The following VWA8 variants were observed in gnomAD, a reference collection of about 807,000 sequenced individuals.
VWA8 encodes von Willebrand factor A domain containing 8.
Under a neutral mutation model 241.5 loss-of-function variants are expected in VWA8, and 221 were observed. The observed-to-expected ratio is 0.91, with a 90% confidence interval of 0.82 to 1.02. The LOEUF is 1.02. VWA8 is among the 50% of genes least tolerant of loss of function. The probability of loss-of-function intolerance (pLI) is 0.00; values close to 1 mark genes in which losing one functional copy is unlikely to be tolerated. For missense variants in VWA8, 2,322 were observed against 2,328.7 expected (o/e 1.00, Z 0.06); for synonymous variants, 852 against 827.1 (o/e 1.03, Z -0.52).
chr13:41,625,778 A>C (rs9566811), intron 37 of VWA8, among the ~76,000 whole-genome samples: 103,389 of 151,066 alleles, frequency 0.68, 35,900 homozygotes, highest in South Asian at 0.84. Flanking sequence ...AAGACACATG[A>C]ACACGTATGT....
chr13:41,708,015 A>T (rs890109565), intron 26 of VWA8, among the ~76,000 whole-genome samples: 9 of 152,174 alleles, frequency 5.9e-5, no homozygotes, highest in Non-Finnish European at 1.2e-4. Context: ...GAGAGAGAAA[A>T]AATTTTAGAG....
At chr13:41,786,154 T>C (rs1869179615) in intron 18 of VWA8, among the ~76,000 whole-genome samples, 2 of 152,158 alleles carry the variant, frequency 1.3e-5, no homozygotes, top group African/African-American at 2.4e-5. Flanking sequence ...GATTTTGTCA[T>C]CACAACTAAG....
chr13:41,682,743 C>T (rs565023595), intron 35 of VWA8, among the ~76,000 whole-genome samples: 2 of 152,160 alleles, frequency 1.3e-5, no homozygotes, highest in East Asian at 3.9e-4. Flanking sequence ...AAGACCTTGT[C>T]TCAAAACAAA....
chr13:41,594,992 A>G, intron 40 of VWA8, among the ~76,000 whole-genome samples: 1 of 152,180 alleles, frequency 6.6e-6, no homozygotes, highest in East Asian at 1.9e-4. Context: ...AAAGAGGGAG[A>G]AACCGCTACA....
intron 37 of VWA8, among the ~76,000 whole-genome samples, chr13:41,663,974 T>C (rs539067314): frequency 6.6e-6 from 1 of 151,850 alleles, no homozygotes; most frequent in South Asian, 2.1e-4. Flanking sequence ...ACATGAGGTA[T>C]TCAGCACTTT....
chr13:41,722,913 G>A (rs948976650), intron 24 of VWA8, among the ~76,000 whole-genome samples: 6 of 152,074 alleles, frequency 3.9e-5, no homozygotes, highest in African/African-American at 1.4e-4. Context: ...ACAGACATAG[G>A]AGGATGTGGG....
intron 21 of VWA8, among the ~76,000 whole-genome samples, chr13:41,751,500 G>A (rs1566441801): frequency 6.6e-6 from 1 of 152,072 alleles, no homozygotes; most frequent in Non-Finnish European, 1.5e-5. Context: ...CTTCAGAAAA[G>A]CTTTTACGTT....
At chr13:41,625,436 C>A (rs2044683313) in intron 37 of VWA8, among the ~76,000 whole-genome samples, 1 of 152,194 alleles carries the variant, frequency 6.6e-6, no homozygotes, top group Non-Finnish European at 1.5e-5. Flanking sequence ...TGAACAGACA[C>A]TTCTCAGAAG....
Position 41,887,274 on chromosome 13 carries a change from T to C in VWA8, c.739A>G (p.Arg247Gly), listed in dbSNP as rs769707026. ...GGGTCTAATGGATTCCCAGAATACC[T>C]TGGCACTGGCAAGCCCAAGGCAATC... ...RVIALGLPVP[R>G]YSGNPLDPPL... Residue 247 changes from arginine (R) to glycine (G), a missense_variant, in exon 6 of 45, where the codon AGG becomes GGG. Arg to Gly is a moderately radical substitution (Grantham distance 125). Transcript: ENST00000379310. 1.1e-5 allele frequency: 18 copies of C among 1,613,848 alleles called. No homozygotes were observed. Among genetic ancestry groups the C allele is most frequent in the Admixed American group, 3.3e-5 (2 of 59,932 alleles).
At chr13:41,857,958 G>C (rs1161441459) in intron 12 of VWA8, among the ~76,000 whole-genome samples, 1 of 152,124 alleles carries the variant, frequency 6.6e-6, no homozygotes, top group African/African-American at 2.4e-5. Context: ...AAAGGAGAAA[G>C]GCAGTATTTG....
intron 4 of VWA8, among the ~76,000 whole-genome samples, chr13:41,905,559 C>T (rs1333380831): frequency 6.6e-6 from 1 of 151,956 alleles, no homozygotes; most frequent in Non-Finnish European, 1.5e-5. Context: ...ATAAAAATGG[C>T]TATCTATACT....
intron 21 of VWA8, among the ~76,000 whole-genome samples, chr13:41,742,458 T>C (rs2045576168): frequency 6.6e-6 from 1 of 152,210 alleles, no homozygotes; most frequent in Non-Finnish European, 1.5e-5. Flanking sequence ...CAGAGCCTGT[T>C]CTAGGTCAGT....
intron 23 of VWA8, 31 bp downstream of exon 23, chr13:41,729,511 T>C: frequency 6.3e-7 from 1 of 1,593,864 alleles, no homozygotes; most frequent in Non-Finnish European, 8.5e-7. Context: ...TTGTATTTAT[T>C]AAAGGAAACA....
intron 12 of VWA8, among the ~76,000 whole-genome samples, chr13:41,845,771 T>C (rs1566479559): frequency 6.6e-6 from 1 of 152,074 alleles, no homozygotes; most frequent in Non-Finnish European, 1.5e-5. Flanking sequence ...TCAAGTGGGA[T>C]CTAAACATTG....
intron 41 of VWA8, among the ~76,000 whole-genome samples, chr13:41,588,936 C>T (rs2044437287): frequency 6.6e-6 from 1 of 152,200 alleles, no homozygotes; most frequent in South Asian, 2.1e-4. Flanking sequence ...GCTTCCATGA[C>T]TACTCACAAT....
chr13:41,863,681 A>T (rs190113426), intron 12 of VWA8, among the ~76,000 whole-genome samples: 9 of 152,016 alleles, frequency 5.9e-5, no homozygotes, highest in African/African-American at 2.2e-4. Flanking sequence ...AGCAACATGG[A>T]TGTAGCTAGA....
intron 26 of VWA8, among the ~76,000 whole-genome samples, chr13:41,709,769 CTCTTTT>C (rs2045304902): frequency 6.8e-6 from 1 of 146,878 alleles, no homozygotes; most frequent in Non-Finnish European, 1.5e-5. Context: ...CTGTCTCTCT[CTCTTTT>C]TTTTTTTTTT....
At chr13:41,895,932 T>C (rs1436463533) in intron 4 of VWA8, among the ~76,000 whole-genome samples, 1 of 151,018 alleles carries the variant, frequency 6.6e-6, no homozygotes, top group East Asian at 1.9e-4. Context: ...TAGGCAAAGA[T>C]CCAGTTTCTG....
intron 9 of VWA8, among the ~76,000 whole-genome samples, chr13:41,881,864 C>T (rs1388742089): frequency 7.1e-6 from 1 of 141,628 alleles, no homozygotes; most frequent in Non-Finnish European, 1.6e-5. Context: ...GGCTGACCCC[C>T]CCACCTCCCT....
Sources: gnomAD v4.1 joint callset for allele counts (sites outside exome capture counted in the v4.1 genomes callset) on GRCh38, gnomAD v4.1.1 for gene constraint, MANE v1.5 for transcripts, NCBI Gene and HGNC (gene_info 2026-07-23, HGNC 2026-07-21) for gene names.